ALG9: variants seen among roughly 807,000 people sequenced by gnomAD.
ALG9 encodes the protein ALG9 alpha-1,2-mannosyltransferase, also known as alpha-1,2-mannosyltransferase ALG9.
A neutral mutation model predicts 81.8 loss-of-function variants in ALG9; 55 were observed. The ratio of observed to expected loss-of-function variants is 0.67; its 90% confidence interval spans 0.54 to 0.84. ALG9 has a LOEUF of 0.84. Among genes scored for constraint, ALG9 ranks in the 40% least tolerant of loss-of-function variants. ALG9 has a pLI of 0.00. For missense variants in ALG9, 629 were observed against 745.0 expected, an observed-to-expected ratio of 0.84 and a Z score of 1.81; for synonymous variants, 278 against 274.3, an observed-to-expected ratio of 1.01 and a Z score of -0.13.
intron 10 of ALG9, among the ~76,000 whole-genome samples, chr11:111,839,249 C>T (rs533052198): frequency 1.3e-4 from 20 of 152,094 alleles, no homozygotes; most frequent in African/African-American, 4.8e-4. Context: ...TCTACAGCTA[C>T]TAAAATGATA....
intron 13 of ALG9, among the ~76,000 whole-genome samples, chr11:111,823,370 C>T (rs1354671913): frequency 3.9e-5 from 6 of 152,214 alleles, no homozygotes; most frequent in Non-Finnish European, 7.3e-5. Flanking sequence ...TCATTACATA[C>T]ATTTCCATAT....
rs1555158977 is a variant in ALG9 at position 111,871,425 on chromosome 11, T to C, written c.58A>G (p.Thr20Ala). The C allele has an allele frequency of 3.3e-6, 5 of 1,536,212 alleles. No homozygotes were observed. In the East Asian group the frequency reaches 1.2e-4, roughly 38 times the overall value. Reference sequence around the variant, plus strand: ...CGCAGCTTGTCCGCAGCCGGGGCCGTATCCCCACTGCTGGCCCCGCTGCCC... The same window carrying C: ...CGCAGCTTGTCCGCAGCCGGGGCCGCATCCCCACTGCTGGCCCCGCTGCCC... ...LKGSGASSGD[T>A]APAADKLREL... Residue 20 changes from threonine (T) to alanine (A), a missense_variant, in exon 1 of 15, where the codon ACG (threonine) becomes GCG (alanine). By Grantham distance (58) the Thr-to-Ala change is moderately conservative (BLOSUM62 0). Coordinates refer to ENST00000616540, the MANE Select transcript of ALG9 (RefSeq NM_024740.2).
chr11:111,842,922 A>G (rs1179672627), intron 9 of ALG9, among the ~76,000 whole-genome samples: 2 of 151,940 alleles, frequency 1.3e-5, no homozygotes, highest in Non-Finnish European at 2.9e-5. Context: ...AGCATTTCCA[A>G]ATTTTCCACA....
At chr11:111,803,668 T>G (rs762103700) in intron 14 of ALG9, among the ~76,000 whole-genome samples, 1 of 151,924 alleles carries the variant, frequency 6.6e-6, no homozygotes, top group Non-Finnish European at 1.5e-5. Flanking sequence ...TAAATACAGT[T>G]AACTATAAAT....
chr11:111,843,511 T>C (rs782287980), intron 9 of ALG9, among the ~76,000 whole-genome samples: 3 of 152,204 alleles, frequency 2.0e-5, no homozygotes, highest in Admixed American at 6.5e-5. Flanking sequence ...GCTGCTCTAA[T>C]ATTCTTATAA....
At position 111,802,689 on chromosome 11, in the gene ALG9, C is replaced by T. The variant is rs562459155; in HGVS notation, c.1733+6954G>A. Among the ~76,000 whole-genome samples the T allele has an allele frequency of 3.9e-5, 6 of 152,030 alleles. No homozygotes were observed. In the East Asian group the frequency reaches 5.8e-4, roughly 15 times the overall value. On this transcript the variant is annotated intron_variant, in intron 14 of 14. Transcript: ENST00000616540. ...CAATAAAGTTTAAAAAAAAACACCC[C>T]GGTTAAATTTACCTGTTTTGTGCCT... is the stretch of plus-strand genomic sequence containing the variant.
At chr11:111,829,518 T>A (rs563602695) in intron 13 of ALG9, among the ~76,000 whole-genome samples, 10 of 152,306 alleles carry the variant, frequency 6.6e-5, no homozygotes, top group African/African-American at 2.2e-4. Flanking sequence ...AATTTATCCA[T>A]CATCAATATC....
chr11:111,865,095 AT>A, intron 4 of ALG9, 85 bp downstream of exon 4: 1 of 1,142,288 alleles, frequency 8.8e-7, no homozygotes, highest in Non-Finnish European at 1.2e-6. Flanking sequence ...TCTATTTCTA[AT>A]CACTGCCTAG....
rs1555061780 is a variant in ALG9 at position 111,785,284 on chromosome 11, G to C, written c.*1113C>G. On this transcript the variant is annotated 3_prime_UTR_variant, in exon 15 of 15. Coordinates refer to ENST00000616540, the MANE Select transcript of ALG9 (RefSeq NM_024740.2). ...CTTGTCTACCACATGTTGTGACTGT[G>C]AGGATCAAACGAGATGCTGTGAAAG... The C allele has an allele frequency of 6.6e-6, 1 of 152,262 alleles. No homozygotes were observed. The allele number at this position is 152,262 out of a possible 1,614,324, so 9.4% of individuals were successfully genotyped here. A position where few individuals can be genotyped will look rare whatever the true frequency, so the allele number is the denominator to read the frequency against.
At chr11:111,791,275 T>C (rs1947362909) in intron 14 of ALG9, among the ~76,000 whole-genome samples, 1 of 152,228 alleles carries the variant, frequency 6.6e-6, no homozygotes, top group Non-Finnish European at 1.5e-5. Context: ...TACATCATCA[T>C]AACTTAGCAT....
At chr11:111,780,644 G>A (rs141721770), downstream of ALG9, among the ~76,000 whole-genome samples, 322 of 152,098 alleles carry the variant, frequency 2.1e-3, 1 homozygote, top group Admixed American at 3.4e-3. Context: ...TGATCTGCCC[G>A]CCTCAGCCTC....
intron 13 of ALG9, among the ~76,000 whole-genome samples, chr11:111,826,920 C>G (rs1157942317): frequency 6.6e-6 from 1 of 152,070 alleles, no homozygotes; most frequent in Admixed American, 6.6e-5. Flanking sequence ...TTATTATAGT[C>G]TGGAAGATTT....
intron 14 of ALG9, among the ~76,000 whole-genome samples, chr11:111,793,907 G>A (rs1425909798): frequency 8.5e-5 from 13 of 152,234 alleles, no homozygotes; most frequent in African/African-American, 3.1e-4. Context: ...CTGTAATAAA[G>A]TGAAATGCCA....
the ALG9 span, chr11:111,771,497 A>G: frequency 2.0e-5 from 3 of 152,244 alleles, no homozygotes; most frequent in Non-Finnish European, 2.9e-5. Context: ...CCTTACAGCC[A>G]AAGAGCTTTA....
At chr11:111,774,253 G>A in the ALG9 span, among the ~76,000 whole-genome samples, 1 of 151,892 alleles carries the variant, frequency 6.6e-6, no homozygotes, top group South Asian at 2.1e-4. Context: ...GCGCATGCCT[G>A]TAATCCCAGC....
chr11:111,804,834 G>A (rs1345785407), intron 14 of ALG9, among the ~76,000 whole-genome samples: 1 of 152,216 alleles, frequency 6.6e-6, no homozygotes, highest in Non-Finnish European at 1.5e-5. Flanking sequence ...TGGAGCAACA[G>A]GAACTCATTC....
At chr11:111,771,962 G>C in the ALG9 span, among the ~76,000 whole-genome samples, 34 of 152,170 alleles carry the variant, frequency 2.2e-4, no homozygotes, top group Middle Eastern at 3.2e-3. Context: ...GACTTTACCT[G>C]ATGTCCCAAT....
At chr11:111,842,786 CAG>C (rs1956421464) in intron 9 of ALG9, among the ~76,000 whole-genome samples, 1 of 152,002 alleles carries the variant, frequency 6.6e-6, no homozygotes, top group African/African-American at 2.4e-5. Context: ...AAGAAAAAAA[CAG>C]AAAATGTTTT....
intron 12 of ALG9, 145 bp downstream of exon 12, chr11:111,837,323 C>G: frequency 1.1e-6 from 1 of 914,506 alleles, no homozygotes. Flanking sequence ...ACACAGTACA[C>G]AGGCCCCACA....
Sources: gnomAD v4.1 joint callset for allele counts (sites outside exome capture counted in the v4.1 genomes callset) on GRCh38, gnomAD v4.1.1 for gene constraint, MANE v1.5 for transcripts, NCBI Gene and HGNC (gene_info 2026-07-23, HGNC 2026-07-21) for gene names.